Variants in FAM117A observed in about 807,000 individuals in gnomAD.
FAM117A encodes the protein family with sequence similarity 117 member A, also known as protein FAM117A.
A neutral mutation model predicts 44.1 loss-of-function variants in FAM117A; 21 were observed. That is an observed-to-expected ratio of 0.48 (90% CI 0.34 to 0.69). The LOEUF (loss-of-function observed/expected upper bound fraction) is 0.69. Among genes scored for constraint, FAM117A ranks in the 30% least tolerant of loss-of-function variants. The probability of loss-of-function intolerance (pLI) is 0.01; values close to 1 mark genes in which losing one functional copy is unlikely to be tolerated. For missense variants in FAM117A, 498 were observed against 589.9 expected (o/e 0.84, Z 1.61); for synonymous variants, 220 against 238.3 (o/e 0.92, Z 0.71).
intron 5 of FAM117A, among the ~76,000 whole-genome samples, chr17:49,718,743 G>A (rs2073517709): frequency 1.3e-5 from 2 of 152,076 alleles, no homozygotes; most frequent in African/African-American, 4.8e-5. Context: ...AGCACTTTGG[G>A]AGGCCAAGGT....
chr17:49,717,473 C>T (rs1026340161), intron 6 of FAM117A, 40 bp downstream of exon 6: 1 of 1,595,178 alleles, frequency 6.3e-7, no homozygotes, highest in Non-Finnish European at 8.6e-7. Context: ...CACTCATGTG[C>T]CCCAGAGTCA....
In FAM117A at chr17:49,786,350, AAC is replaced by A. The variant is rs1211216726; in HGVS notation, c.-621+2145_-621+2146del. On this transcript the variant is annotated intron_variant, in intron 1 of 7. Transcript: ENST00000513602. ...AAGTCAGGATAAGATCTTATTCTAA[AAC>A]ACTAATTTCCAGGGAGGATAACTTC... 3.3e-5 allele frequency among the ~76,000 whole-genome samples: 5 copies of A among 152,352 alleles called. No individual in the cohort carries two copies. The South Asian group carries it at 1.0e-3, about 32-fold the overall frequency.
intron 1 of FAM117A, among the ~76,000 whole-genome samples, chr17:49,745,442 A>T (rs1377871532): frequency 6.6e-6 from 1 of 152,194 alleles, no homozygotes; most frequent in Non-Finnish European, 1.5e-5. Flanking sequence ...ATTATCCAGA[A>T]ACCACTTACA....
chr17:49,740,783 G>C (rs2073631231), intron 1 of FAM117A, among the ~76,000 whole-genome samples: 1 of 152,156 alleles, frequency 6.6e-6, no homozygotes, highest in African/African-American at 2.4e-5. Context: ...ATCAGCTCAG[G>C]CCTGGCCACA....
intron 2 of FAM117A, among the ~76,000 whole-genome samples, chr17:49,725,119 T>C (rs1232171986): frequency 1.3e-5 from 2 of 152,082 alleles, no homozygotes; most frequent in Non-Finnish European, 2.9e-5. Flanking sequence ...CTCCCTCTCC[T>C]TTTTCTTACC....
chr17:49,736,087 T>C (rs2073609079), intron 1 of FAM117A, among the ~76,000 whole-genome samples: 1 of 148,704 alleles, frequency 6.7e-6, no homozygotes, highest in Admixed American at 6.6e-5. Flanking sequence ...TGTGTGTGTA[T>C]GTGTGTGTGT....
At chr17:49,720,088 T>A in intron 4 of FAM117A, 194 bp from the exon 5 acceptor site, 2 of 757,902 alleles carry the variant, frequency 2.6e-6, no homozygotes, top group Non-Finnish European at 4.1e-6. Context: ...CAGAGTCTAC[T>A]GTGTGCTGTA....
chr17:49,740,557 A>G (rs1477850915), intron 1 of FAM117A, among the ~76,000 whole-genome samples: 1 of 152,162 alleles, frequency 6.6e-6, no homozygotes, highest in East Asian at 1.9e-4. Flanking sequence ...CCTGGTAAGC[A>G]GATTTTGAGC....
chr17:49,762,768 T>G (rs564763573), intron 1 of FAM117A, among the ~76,000 whole-genome samples: 96 of 152,334 alleles, frequency 6.3e-4, no homozygotes, highest in African/African-American at 2.2e-3. Context: ...TCACATCTGG[T>G]GTGAATCAAA....
At chr17:49,727,814 C>CT (rs1487039876) in intron 2 of FAM117A, among the ~76,000 whole-genome samples, 1 of 152,226 alleles carries the variant, frequency 6.6e-6, no homozygotes, top group African/African-American at 2.4e-5. Context: ...CTCCAGTGAC[C>CT]TTGGCACCTG....
intron 1 of FAM117A, among the ~76,000 whole-genome samples, chr17:49,734,571 G>A (rs552529735): frequency 4.6e-5 from 7 of 152,052 alleles, no homozygotes; most frequent in Admixed American, 1.3e-4. Context: ...CAGCCTGGGC[G>A]AAAGAGTGAG....
At chr17:49,759,135 GT>G (rs1386302771) in intron 1 of FAM117A, among the ~76,000 whole-genome samples, 1 of 152,142 alleles carries the variant, frequency 6.6e-6, no homozygotes, top group Non-Finnish European at 1.5e-5. Context: ...GCCCACTGTT[GT>G]TCTCACCCCT....
chr17:49,758,986 G>C (rs1287583781), intron 1 of FAM117A, among the ~76,000 whole-genome samples: 1 of 152,170 alleles, frequency 6.6e-6, no homozygotes, highest in Non-Finnish European at 1.5e-5. Flanking sequence ...GTGTTCTCTT[G>C]GCTATTAAAG....
intron 2 of FAM117A, among the ~76,000 whole-genome samples, chr17:49,726,900 C>T (rs559320768): frequency 1.4e-3 from 215 of 149,314 alleles, no homozygotes; most frequent in Middle Eastern, 3.7e-3. Flanking sequence ...GGACCACTTG[C>T]GCCCAGAGTT....
upstream of FAM117A, among the ~76,000 whole-genome samples, chr17:49,766,637 C>T (rs536782229): frequency 1.4e-4 from 21 of 152,304 alleles, no homozygotes; most frequent in South Asian, 4.4e-3. Context: ...TGTGTTAGGA[C>T]CCCTCAACAT....
upstream of FAM117A, among the ~76,000 whole-genome samples, chr17:49,766,901 A>C (rs1002504797): frequency 1.3e-5 from 2 of 152,208 alleles, no homozygotes; most frequent in African/African-American, 4.8e-5. Context: ...TACTGTGTTT[A>C]AACTTTATTC....
chr17:49,726,555 T>C (rs1017996805), intron 2 of FAM117A, among the ~76,000 whole-genome samples: 3 of 152,220 alleles, frequency 2.0e-5, no homozygotes, highest in Non-Finnish European at 4.4e-5. Flanking sequence ...AGGTGTGGAC[T>C]ATAGCCCCTC....
chr17:49,779,303 C>CT lies in FAM117A; in HGVS notation c.-621+9193dup, dbSNP rs767959424. 1.3e-4 allele frequency among the ~76,000 whole-genome samples: 20 copies of CT among 152,342 alleles called. 1 individual carries two copies. In the East Asian group the frequency reaches 3.5e-3, roughly 26 times the overall value. On this transcript the variant is annotated intron_variant, in intron 1 of 7. Transcript: ENST00000513602. ...TCTTTCTCCCAGATTACTAATGCTA[C>CT]TTACAGTTGTCTGGAAGGAGAACAG...
At chr17:49,788,610 G>C (rs1384091454), upstream of FAM117A, 1 of 486,978 alleles carries the variant, frequency 2.1e-6, no homozygotes, top group Non-Finnish European at 3.7e-6. Flanking sequence ...ACCCTCTCTG[G>C]CCCGTAACGT....
Sources: gnomAD v4.1 joint callset for allele counts (sites outside exome capture counted in the v4.1 genomes callset) on GRCh38, gnomAD v4.1.1 for gene constraint, MANE v1.5 for transcripts, NCBI Gene and HGNC (gene_info 2026-07-23, HGNC 2026-07-21) for gene names.